The following FBXL7 variants were observed in gnomAD, a reference collection of about 807,000 sequenced individuals.
FBXL7 encodes F-box/LRR-repeat protein 7.
Under a neutral mutation model 38.3 loss-of-function variants are expected in FBXL7, and 12 were observed. The observed-to-expected ratio is 0.31, with a 90% CI of 0.20 to 0.51. FBXL7 has a LOEUF of 0.51. Among genes scored for constraint, FBXL7 ranks in the 20% least tolerant of loss-of-function variants. FBXL7 has a pLI of 0.98. For synonymous variants in FBXL7, 297 were observed against 300.9 expected (o/e 0.99, Z 0.13); for missense variants, 567 against 676.4 (o/e 0.84, Z 1.79).
At chr5:15,821,684 C>T (rs183759) in intron 2 of FBXL7, among the ~76,000 whole-genome samples, 139,816 of 152,234 alleles carry the variant, frequency 0.92, 64,307 homozygotes, top group African/African-American at 0.97. Context: ...CTATCCATGG[C>T]TTACACATTT....
chr5:15,580,248 C>G (rs1254464434), intron 1 of FBXL7, among the ~76,000 whole-genome samples: 1 of 152,160 alleles, frequency 6.6e-6, no homozygotes, highest in Non-Finnish European at 1.5e-5. Context: ...GAACCTAACC[C>G]TACTGGCACC....
intron 1 of FBXL7, among the ~76,000 whole-genome samples, chr5:15,605,885 C>T (rs1229307395): frequency 6.6e-6 from 1 of 152,054 alleles, no homozygotes; most frequent in Non-Finnish European, 1.5e-5. Context: ...GGACATAAAC[C>T]CAGTAGAATG....
intron 2 of FBXL7, among the ~76,000 whole-genome samples, chr5:15,712,210 C>G (rs958349922): frequency 3.3e-5 from 5 of 152,078 alleles, no homozygotes; most frequent in African/African-American, 1.2e-4. Flanking sequence ...ATGCACTTTC[C>G]TGTAGTCAAA....
chr5:15,573,022 C>G (rs758594721), intron 1 of FBXL7, among the ~76,000 whole-genome samples: 23 of 152,136 alleles, frequency 1.5e-4, no homozygotes, highest in Non-Finnish European at 2.4e-4. Flanking sequence ...TAGAGAAGCC[C>G]TGCCAGATCC....
In FBXL7 at chr5:15,654,387, T is replaced by C. The variant is rs75141394; in HGVS notation, c.127+38315T>C. ...AGAAGAGGGATGGTCTGCCTTTTAATTCTGTATGGGAGGAAAATTCATAAA... is the reference window on the plus strand; with the variant it reads ...AGAAGAGGGATGGTCTGCCTTTTAACTCTGTATGGGAGGAAAATTCATAAA... On this transcript the variant is annotated intron_variant, in intron 2 of 3. Transcript: ENST00000504595. Among the ~76,000 whole-genome samples, 469 of 151,270 alleles carry C rather than the reference T, an allele frequency of 3.1e-3. 3 individuals are homozygous for C. The highest frequency in any genetic ancestry group is 0.011 in the African/African-American group (447 of 41,096).
chr5:15,514,836 G>A (rs1561011317), intron 1 of FBXL7, among the ~76,000 whole-genome samples: 2 of 152,280 alleles, frequency 1.3e-5, no homozygotes, highest in Admixed American at 6.5e-5. Flanking sequence ...TTCAGGGAGC[G>A]GGGAGCCACA....
At position 15,702,814 on chromosome 5, in the gene FBXL7, C is replaced by T. The variant is rs190247440; in HGVS notation, c.127+86742C>T. 4.8e-3 allele frequency among the ~76,000 whole-genome samples: 727 copies of T among 151,992 alleles called. 3 individuals are homozygous for T. The highest frequency in any genetic ancestry group is 0.017 in the African/African-American group (686 of 41,430). On this transcript the variant is annotated intron_variant, in intron 2 of 3. Transcript: ENST00000504595. ...AAGCTTTTAATCACCTGGGTGCAGG[C>T]GAGCTGAGTCCGAAAAGAGAGTCAG...
intron 2 of FBXL7, among the ~76,000 whole-genome samples, chr5:15,922,734 C>T (rs568409316): frequency 2.0e-4 from 30 of 152,072 alleles, no homozygotes; most frequent in South Asian, 4.1e-4. Context: ...TGCATCTCAC[C>T]GTCTTGCCTA....
At chr5:15,807,396 A>C (rs555040532) in intron 2 of FBXL7, among the ~76,000 whole-genome samples, 4 of 152,298 alleles carry the variant, frequency 2.6e-5, no homozygotes, top group Non-Finnish European at 5.9e-5. Flanking sequence ...TGCCGTGTGC[A>C]CTGGGAAGGA....
chr5:15,840,621 G>A (rs1024028151), intron 2 of FBXL7, among the ~76,000 whole-genome samples: 5 of 152,112 alleles, frequency 3.3e-5, no homozygotes, highest in African/African-American at 1.2e-4. Flanking sequence ...GGCCGAGCCA[G>A]GTGGATCACG....
At chr5:15,642,113 A>G (rs1231539949) in intron 2 of FBXL7, among the ~76,000 whole-genome samples, 1 of 152,142 alleles carries the variant, frequency 6.6e-6, no homozygotes, top group East Asian at 1.9e-4. Flanking sequence ...TGAGAAGTTT[A>G]GCAGTGAAAA....
At chr5:15,898,306 G>A (rs540048322) in intron 2 of FBXL7, among the ~76,000 whole-genome samples, 5 of 152,228 alleles carry the variant, frequency 3.3e-5, no homozygotes, top group East Asian at 3.9e-4. Context: ...CCCCAGCCAC[G>A]TTCAAAATTC....
intron 2 of FBXL7, among the ~76,000 whole-genome samples, chr5:15,731,761 A>G (rs1735590472): frequency 1.3e-5 from 2 of 152,174 alleles, no homozygotes; most frequent in South Asian, 4.1e-4. Flanking sequence ...AATCAAGATG[A>G]TGAATTTTCT....
At chr5:15,584,915 A>G (rs539308213) in intron 1 of FBXL7, among the ~76,000 whole-genome samples, 1 of 152,340 alleles carries the variant, frequency 6.6e-6, no homozygotes, top group Non-Finnish European at 1.5e-5. Context: ...AGCAGGCAGG[A>G]GAGAGCAGGG....
Position 15,836,542 on chromosome 5 carries a change from G to A in FBXL7, c.128-91348G>A, listed in dbSNP as rs182864040. ...TTTGCATGAGGTGAGGGAGTGAGCC[G>A]TGTAGATATTTGTGATCAGAACAGT... On this transcript the variant is annotated intron_variant, in intron 2 of 3. Transcript: ENST00000504595. Among the ~76,000 whole-genome samples, 24 of 152,244 alleles carry A rather than the reference G, an allele frequency of 1.6e-4. No homozygotes were observed. The South Asian group carries it at 4.0e-3, about 25-fold the overall frequency.
At position 15,884,817 on chromosome 5, in the gene FBXL7, A is replaced by G. The variant is rs565414301; in HGVS notation, c.128-43073A>G. ...TTTAGAAAGGGCAAAGCGGTGGGAT[A>G]AGAAGTAAAACATTTCCCCTCCAAA... On this transcript the variant is annotated intron_variant, in intron 2 of 3. Coordinates refer to ENST00000504595, the MANE Select transcript of FBXL7 (RefSeq NM_012304.5). Among the ~76,000 whole-genome samples the G allele has an allele frequency of 9.8e-5, 15 of 152,332 alleles. 1 individual carries two copies. The highest frequency in any genetic ancestry group is 3.6e-4 in the African/African-American group (15 of 41,586).
At chr5:15,611,024 G>C (rs77065859) in intron 1 of FBXL7, among the ~76,000 whole-genome samples, 1 of 152,078 alleles carries the variant, frequency 6.6e-6, no homozygotes, top group African/African-American at 2.4e-5. Flanking sequence ...ACATGTAAGC[G>C]GGCTGCAAGC....
chr5:15,616,109 C>T, intron 2 of FBXL7, 37 bp downstream of exon 2: 2 of 1,445,140 alleles, frequency 1.4e-6, no homozygotes, highest in Non-Finnish European at 1.9e-6. Flanking sequence ...CTTTCTTCTT[C>T]ACAGGGCTGG....
In FBXL7 at chr5:15,531,617, G is replaced by A. The variant is rs149589429; in HGVS notation, c.37+30904G>A. Reference sequence around the variant, plus strand: ...ATGTTGAAGACACAACTGTTCAGCTGTCTGTAAATCCTATTACTCTGAGTG... The same window carrying A: ...ATGTTGAAGACACAACTGTTCAGCTATCTGTAAATCCTATTACTCTGAGTG... On this transcript the variant is annotated intron_variant, in intron 1 of 3. Coordinates refer to ENST00000504595, the MANE Select transcript of FBXL7 (RefSeq NM_012304.5). 7.8e-4 allele frequency among the ~76,000 whole-genome samples: 119 copies of A among 152,302 alleles called. 2 individuals are homozygous for A. The highest frequency in any genetic ancestry group is 2.5e-3 in the African/African-American group (104 of 41,576).
Sources: allele counts gnomAD v4.1 joint callset (sites outside exome capture counted in the v4.1 genomes callset), GRCh38; gene constraint gnomAD v4.1.1; transcripts MANE v1.5; gene names NCBI Gene and HGNC (gene_info 2026-07-23, HGNC 2026-07-21).